Variants in PXK observed in about 807,000 individuals in gnomAD.
The protein encoded by PXK is PX domain containing serine/threonine kinase like.
Under a neutral mutation model 84.7 loss-of-function variants are expected in PXK, and 35 were observed. The ratio of observed to expected loss-of-function variants is 0.41; its 90% CI spans 0.32 to 0.55. The LOEUF (loss-of-function observed/expected upper bound fraction) is 0.55, where lower values mean the gene tolerates loss of function less well. Among genes scored for constraint, PXK ranks in the 20% least tolerant of loss-of-function variants. The pLI, the probability that PXK is intolerant of heterozygous loss-of-function variation, is 0.21. For missense variants in PXK, 634 were observed against 699.7 expected, an observed-to-expected ratio of 0.91 and a Z score of 1.06; for synonymous variants, 253 against 260.8, an observed-to-expected ratio of 0.97 and a Z score of 0.29.
intron 9 of PXK, 71 bp downstream of exon 9, chr3:58,395,830 T>G: frequency 1.6e-6 from 2 of 1,248,742 alleles, no homozygotes; most frequent in Non-Finnish European, 2.3e-6. Context: ...GGAAAAGTTC[T>G]TAAGTAATAT....
chr3:58,351,711 G>C (rs548043081), intron 1 of PXK, among the ~76,000 whole-genome samples: 63 of 152,076 alleles, frequency 4.1e-4, no homozygotes, highest in Non-Finnish European at 2.1e-4. Flanking sequence ...AGCCAAAAGT[G>C]GGCATAGAAT....
At chr3:58,351,004 C>T (rs1370242554) in intron 1 of PXK, among the ~76,000 whole-genome samples, 1 of 152,148 alleles carries the variant, frequency 6.6e-6, no homozygotes, top group African/African-American at 2.4e-5. Context: ...CTTTAGCAGC[C>T]CTGTTACAAG....
At chr3:58,358,791 T>C (rs1249293148) in intron 1 of PXK, among the ~76,000 whole-genome samples, 1 of 152,154 alleles carries the variant, frequency 6.6e-6, no homozygotes, top group Admixed American at 6.5e-5. Context: ...GACCTAAACA[T>C]AGAGTGTCTT....
intron 1 of PXK, among the ~76,000 whole-genome samples, chr3:58,354,674 T>G (rs1244469623): frequency 1.3e-5 from 2 of 151,346 alleles, no homozygotes; most frequent in Non-Finnish European, 2.9e-5. Context: ...GGTCTCGAAC[T>G]CCTGACCTTG....
At chr3:58,373,975 G>A (rs911344936) in intron 3 of PXK, among the ~76,000 whole-genome samples, 3 of 150,384 alleles carry the variant, frequency 2.0e-5, no homozygotes, top group East Asian at 2.0e-4. Context: ...AACCCAGGAG[G>A]TGGAGCTTGC....
chr3:58,370,130 A>G lies in PXK; in HGVS notation c.201+652A>G, dbSNP rs776176835. ...CACTTAGGTGGAGCTGGGACTCTGA[A>G]TCTCTTCATTGAACTAGGCTACATA... On this transcript the variant is annotated intron_variant, in intron 3 of 17. Transcript: ENST00000356151. The surrounding 1 kb of genome is among the most constrained non-coding windows in gnomAD (Gnocchi z 4.2). Among the ~76,000 whole-genome samples, 3 of 152,208 alleles carry G rather than the reference A, an allele frequency of 2.0e-5. No homozygotes were observed. Among genetic ancestry groups the G allele is most frequent in the African/African-American group, 4.8e-5 (2 of 41,460 alleles).
chr3:58,376,542 C>T (rs2098444457), intron 3 of PXK, among the ~76,000 whole-genome samples: 1 of 152,140 alleles, frequency 6.6e-6, no homozygotes, highest in Non-Finnish European at 1.5e-5. Context: ...AGCATACACA[C>T]ACGTAAATGA....
chr3:58,382,803 T>C, intron 4 of PXK, 103 bp downstream of exon 4: 1 of 828,052 alleles, frequency 1.2e-6, no homozygotes, highest in East Asian at 3.0e-5. Flanking sequence ...AATGGGGATG[T>C]GTATACATTT....
chr3:58,380,600 C>T (rs1346073261), intron 3 of PXK, among the ~76,000 whole-genome samples: 1 of 151,814 alleles, frequency 6.6e-6, no homozygotes, highest in Non-Finnish European at 1.5e-5. Flanking sequence ...CACTTGATGT[C>T]AGGAGTTCGA....
At chr3:58,402,372 T>C (rs1169237401) in intron 12 of PXK, among the ~76,000 whole-genome samples, 1 of 151,806 alleles carries the variant, frequency 6.6e-6, no homozygotes, top group East Asian at 1.9e-4. Context: ...TAGCTGGGAC[T>C]GCAGGCGAAT....
chr3:58,382,705 G>A lies in PXK; in HGVS notation c.388+5G>A. 1 of 1,525,684 alleles carries A rather than the reference G, an allele frequency of 6.6e-7. No homozygotes were observed. Among genetic ancestry groups the A allele is most frequent in the South Asian group, 1.3e-5 (1 of 77,340 alleles). 94.5% of individuals were successfully genotyped at this position (1,525,684 alleles called of 1,614,324 possible). A position where few individuals can be genotyped will look rare whatever the true frequency, so the allele number is the denominator to read the frequency against. On this transcript the variant is annotated splice_donor_5th_base_variant and intron_variant, in intron 4 of 17. Coordinates refer to ENST00000356151, the MANE Select transcript of PXK (RefSeq NM_017771.5). ...ACTATTCCGCAAACTATACTGGTAAGCGAAGGAATCTGTGAATTATGGTCA... is the reference window on the plus strand; with the variant it reads ...ACTATTCCGCAAACTATACTGGTAAACGAAGGAATCTGTGAATTATGGTCA...
chr3:58,335,984 C>T (rs944331147), intron 1 of PXK, among the ~76,000 whole-genome samples: 1 of 140,934 alleles, frequency 7.1e-6, no homozygotes, highest in South Asian at 2.3e-4. Flanking sequence ...TGCAAGCAAG[C>T]TCATTTCTGT....
In PXK at chr3:58,375,444, T is replaced by A. The variant is rs374464747; in HGVS notation, c.201+5966T>A. On this transcript the variant is annotated intron_variant, in intron 3 of 17. Transcript: ENST00000356151. ...GAAATGGTTATTGTTAAGCAGTTGG[T>A]GTGAGTCCTCCCAGACATTTTTTCT... 7.9e-5 allele frequency among the ~76,000 whole-genome samples: 12 copies of A among 152,332 alleles called. No individual in the cohort carries two copies. In the South Asian group the frequency reaches 1.2e-3, roughly 16 times the overall value.
intron 7 of PXK, among the ~76,000 whole-genome samples, chr3:58,393,393 C>G (rs1002226490): frequency 6.6e-6 from 1 of 152,034 alleles, no homozygotes; most frequent in African/African-American, 2.4e-5. Flanking sequence ...TAATCCCAGT[C>G]AAACAGAAGT....
intron 1 of PXK, among the ~76,000 whole-genome samples, chr3:58,351,792 A>G (rs1575820042): frequency 6.7e-6 from 1 of 149,212 alleles, no homozygotes; most frequent in East Asian, 2.3e-4. Context: ...TGTTTCTCAT[A>G]TTTAAAGAGA....
At chr3:58,408,817 C>T (rs750800617) in intron 13 of PXK, 107 bp from the exon 14 acceptor site, 7 of 857,470 alleles carry the variant, frequency 8.2e-6, no homozygotes, top group Middle Eastern at 2.2e-4. Flanking sequence ...CCACCGCGCC[C>T]GGCCGAAATG....
chr3:58,352,809 G>A (rs1164333288), intron 1 of PXK, among the ~76,000 whole-genome samples: 1 of 152,108 alleles, frequency 6.6e-6, no homozygotes, highest in Non-Finnish European at 1.5e-5. Flanking sequence ...AAGTCGGTGT[G>A]GAGACCAGCT....
intron 1 of PXK, among the ~76,000 whole-genome samples, chr3:58,350,217 TA>T (rs1374923669): frequency 6.6e-6 from 1 of 152,252 alleles, no homozygotes; most frequent in Non-Finnish European, 1.5e-5. Context: ...GGGGCTTGCT[TA>T]ACATTTTGGA....
intron 1 of PXK, among the ~76,000 whole-genome samples, chr3:58,338,617 C>T (rs575282939): frequency 2.7e-5 from 4 of 150,696 alleles, no homozygotes; most frequent in African/African-American, 7.3e-5. Context: ...AGCAAGACTC[C>T]GTCTTAAAAA....
Sources: gnomAD v4.1 joint callset for allele counts (sites outside exome capture counted in the v4.1 genomes callset) on GRCh38, gnomAD v4.1.1 for gene constraint, Gnocchi (gnomAD v3.1) non-coding constraint, MANE v1.5 for transcripts, NCBI Gene and HGNC (gene_info 2026-07-23, HGNC 2026-07-21) for gene names.